The following ME3 variants were observed in gnomAD, a reference collection of about 807,000 sequenced individuals.
The protein encoded by ME3 is malic enzyme 3.
ME3 carries 48 observed loss-of-function variants against 68.9 expected under a neutral mutation model. The ratio of observed to expected loss-of-function variants is 0.70; its 90% CI spans 0.55 to 0.89. ME3 has a LOEUF of 0.89. Among genes scored for constraint, ME3 ranks in the 40% least tolerant of loss-of-function variants. The probability of loss-of-function intolerance (pLI) is 0.00; values close to 1 mark genes in which losing one functional copy is unlikely to be tolerated. For missense variants in ME3, 675 were observed against 797.4 expected (o/e 0.85, Z 1.85); for synonymous variants, 320 against 318.8 (o/e 1.00, Z -0.04).
At chr11:86,643,275 G>A (rs1944782341) in intron 2 of ME3, among the ~76,000 whole-genome samples, 1 of 150,090 alleles carries the variant, frequency 6.7e-6, no homozygotes, top group Non-Finnish European at 1.5e-5. Flanking sequence ...CAGAGCTAAG[G>A]TTTAACTCTT....
chr11:86,629,648 G>A (rs999138203), intron 2 of ME3, among the ~76,000 whole-genome samples: 1 of 152,152 alleles, frequency 6.6e-6, no homozygotes, highest in African/African-American at 2.4e-5. Context: ...TTACTGTCTT[G>A]GGTATCTTCT....
At chr11:86,488,304 G>T (rs569641909) in intron 6 of ME3, among the ~76,000 whole-genome samples, 35 of 152,174 alleles carry the variant, frequency 2.3e-4, no homozygotes, top group Admixed American at 8.5e-4. Context: ...GTATTGGGTC[G>T]CATCCAGAGT....
chr11:86,441,286 G>A (rs370566016), exon 15 of ME3: 46 of 1,600,442 alleles, frequency 2.9e-5, no homozygotes, highest in African/African-American at 8.1e-5. Flanking sequence ...GCCTCAGACC[G>A]TCTGAACATT....
At chr11:86,509,427 CACGCAT>C (rs1347321622) in intron 4 of ME3, among the ~76,000 whole-genome samples, 3 of 94,450 alleles carry the variant, frequency 3.2e-5, no homozygotes, top group Non-Finnish European at 9.0e-5. Flanking sequence ...CACACACACA[CACGCAT>C]GTGCGAAGGC....
chr11:86,618,752 C>A, intron 2 of ME3, among the ~76,000 whole-genome samples: 1 of 150,032 alleles, frequency 6.7e-6, no homozygotes, highest in Admixed American at 6.7e-5. Context: ...GAGTCTCACT[C>A]TGTCACCCAG....
chr11:86,608,850 A>G (rs1013335343), intron 2 of ME3, among the ~76,000 whole-genome samples: 20 of 152,220 alleles, frequency 1.3e-4, no homozygotes, highest in Non-Finnish European at 2.6e-4. Context: ...TCTTGGTGCA[A>G]TGAAGAAAGT....
chr11:86,511,283 C>T (rs997496335), intron 4 of ME3, among the ~76,000 whole-genome samples: 5 of 152,236 alleles, frequency 3.3e-5, no homozygotes, highest in African/African-American at 9.6e-5. Context: ...GTCCTCAACA[C>T]GCCTACAGAA....
chr11:86,615,989 A>C (rs1298156672), intron 2 of ME3, among the ~76,000 whole-genome samples: 1 of 152,230 alleles, frequency 6.6e-6, no homozygotes, highest in Non-Finnish European at 1.5e-5. Context: ...TTATAGTCTC[A>C]CCACCAAAGC....
intron 2 of ME3, among the ~76,000 whole-genome samples, chr11:86,592,300 C>T (rs1355187486): frequency 6.6e-6 from 1 of 152,156 alleles, no homozygotes; most frequent in East Asian, 1.9e-4. Context: ...TCACAAAGTT[C>T]CCAATAACTC....
At chr11:86,500,688 T>A (rs960632303) in intron 5 of ME3, among the ~76,000 whole-genome samples, 4 of 152,232 alleles carry the variant, frequency 2.6e-5, no homozygotes, top group South Asian at 2.1e-4. Context: ...TATACATCTG[T>A]ACACAATTGC....
intron 14 of ME3, among the ~76,000 whole-genome samples, chr11:86,442,360 C>A (rs1949046058): frequency 1.3e-5 from 2 of 152,152 alleles, no homozygotes; most frequent in South Asian, 4.1e-4. Context: ...CTCCAGAATT[C>A]TGAGAGTGAG....
At chr11:86,527,434 A>C (rs939436836) in intron 4 of ME3, among the ~76,000 whole-genome samples, 4 of 152,234 alleles carry the variant, frequency 2.6e-5, no homozygotes, top group African/African-American at 9.6e-5. Flanking sequence ...AAGTTGGAAA[A>C]TACTCTGCCG....
chr11:86,508,895 G>C lies in ME3; in HGVS notation c.468-28C>G, dbSNP rs1367574214. On this transcript the variant is annotated intron_variant, in intron 4 of 14. Transcript: ENST00000543262. ...AAAAGAAATAAAACACGTACACACA[G>C]AGAAACCAGGCAGTCAGATTAGGAA... The C allele has an allele frequency of 3.2e-6, 5 of 1,565,826 alleles. No homozygotes were observed. The Admixed American group carries it at 8.3e-5, about 26-fold the overall frequency.
chr11:86,469,529 G>C (rs1950669614), intron 7 of ME3, among the ~76,000 whole-genome samples: 1 of 152,188 alleles, frequency 6.6e-6, no homozygotes. Flanking sequence ...CGATTCTAGT[G>C]CTGGCAGCAG....
intron 2 of ME3, among the ~76,000 whole-genome samples, chr11:86,615,249 G>T (rs1942876983): frequency 1.3e-5 from 2 of 152,108 alleles, no homozygotes; most frequent in African/African-American, 2.4e-5. Flanking sequence ...TGGAATTATG[G>T]AATTTTTGAG....
At chr11:86,653,164 C>T (rs1390009258) in intron 2 of ME3, among the ~76,000 whole-genome samples, 1 of 152,182 alleles carries the variant, frequency 6.6e-6, no homozygotes, top group African/African-American at 2.4e-5. Context: ...TAACACCCCA[C>T]TGTCAACATT....
rs557997763 is a variant in ME3, at chr11:86,524,515, A to G, written c.468-15648T>C. On this transcript the variant is annotated intron_variant, in intron 4 of 14. Transcript: ENST00000543262. ...AAGATAATAGTCCCCTAAACCAAGA[A>G]AAAGCTGAAATTGTAAAAGCTCGAA... Among the ~76,000 whole-genome samples, 15 of 152,332 alleles carry G rather than the reference A, an allele frequency of 9.8e-5. 1 individual carries two copies. The highest frequency in any genetic ancestry group is 1.5e-4 in the Non-Finnish European group (10 of 68,016).
At chr11:86,657,709 G>C (rs1945998230) in intron 2 of ME3, among the ~76,000 whole-genome samples, 1 of 151,960 alleles carries the variant, frequency 6.6e-6, no homozygotes, top group African/African-American at 2.4e-5. Context: ...AGACTCCTGA[G>C]GTATCATTTT....
chr11:86,522,121 G>A (rs907061266), intron 4 of ME3, among the ~76,000 whole-genome samples: 2 of 152,062 alleles, frequency 1.3e-5, no homozygotes. Flanking sequence ...GTGGTGGCAC[G>A]CACCTGTAGT....
Sources: gnomAD v4.1 joint callset for allele counts (sites outside exome capture counted in the v4.1 genomes callset) on GRCh38, gnomAD v4.1.1 for gene constraint, MANE v1.5 for transcripts, NCBI Gene and HGNC (gene_info 2026-07-23, HGNC 2026-07-21) for gene names.